SBF2: variants seen among roughly 807,000 people sequenced by gnomAD.
The protein encoded by SBF2 is SET binding factor 2, also known as myotubularin-related protein 13.
SBF2 carries 112 observed loss-of-function variants against 225.2 expected under a neutral mutation model. The observed-to-expected ratio is 0.50, with a 90% CI of 0.43 to 0.58. The LOEUF is 0.58. Among genes scored for constraint, SBF2 ranks in the 20% least tolerant of loss-of-function variants. SBF2 has a pLI of 0.00. For synonymous variants in SBF2, 763 were observed against 773.3 expected (o/e 0.99, Z 0.22); for missense variants, 1,996 against 2,206.2 (o/e 0.90, Z 1.91).
chr11:10,074,702 T>C (rs570471221), intron 2 of SBF2, among the ~76,000 whole-genome samples: 4 of 152,180 alleles, frequency 2.6e-5, no homozygotes, highest in Non-Finnish European at 5.9e-5. Flanking sequence ...ACAGAGAAAA[T>C]TGAAAATGTG....
At chr11:10,256,966 C>G (rs1960915038) in intron 1 of SBF2, among the ~76,000 whole-genome samples, 1 of 152,170 alleles carries the variant, frequency 6.6e-6, no homozygotes, top group African/African-American at 2.4e-5. Context: ...ATTGTACTAA[C>G]TGGTACATCC....
chr11:9,874,317 A>C (rs1278705794), intron 17 of SBF2, among the ~76,000 whole-genome samples: 1 of 152,210 alleles, frequency 6.6e-6, no homozygotes, highest in Non-Finnish European at 1.5e-5. Flanking sequence ...CAGAAATCAC[A>C]GTACTACTGA....
At chr11:10,063,562 T>C (rs897947551) in intron 2 of SBF2, among the ~76,000 whole-genome samples, 3 of 151,758 alleles carry the variant, frequency 2.0e-5, no homozygotes, top group Admixed American at 2.0e-4. Flanking sequence ...TTTCATCATG[T>C]TAGCCAGGAT....
chr11:10,226,118 T>G (rs963095049), intron 1 of SBF2, among the ~76,000 whole-genome samples: 1 of 152,148 alleles, frequency 6.6e-6, no homozygotes, highest in Non-Finnish European at 1.5e-5. Flanking sequence ...AATTATGGCA[T>G]ATTCATGGTC....
At chr11:9,813,647 T>C (rs1050828139) in intron 29 of SBF2, among the ~76,000 whole-genome samples, 4 of 152,174 alleles carry the variant, frequency 2.6e-5, no homozygotes, top group African/African-American at 9.6e-5. Context: ...AAGTCAATAA[T>C]AAAAAATTAC....
chr11:10,292,336 G>A (rs771721080), intron 1 of SBF2, among the ~76,000 whole-genome samples: 21 of 152,150 alleles, frequency 1.4e-4, no homozygotes, highest in Admixed American at 1.4e-3. Context: ...GTTGGGGGGC[G>A]GGTAGAATTT....
intron 1 of SBF2, among the ~76,000 whole-genome samples, chr11:10,269,465 G>T (rs1052729601): frequency 3.9e-5 from 6 of 152,140 alleles, no homozygotes; most frequent in African/African-American, 1.4e-4. Context: ...CCAAAGGAAG[G>T]GATGCCAGGA....
intron 13 of SBF2, among the ~76,000 whole-genome samples, chr11:9,980,736 G>A (rs1256928371): frequency 6.6e-6 from 1 of 151,858 alleles, no homozygotes; most frequent in African/African-American, 2.4e-5. Context: ...CTGACACCGC[G>A]CCCGGCTAAT....
chr11:10,203,866 A>G (rs1957656177), intron 1 of SBF2, among the ~76,000 whole-genome samples: 1 of 152,094 alleles, frequency 6.6e-6, no homozygotes, highest in Non-Finnish European at 1.5e-5. Flanking sequence ...AAACAAAAAC[A>G]GAGCTGTGCA....
chr11:9,802,716 T>C (rs1477742587), intron 32 of SBF2, among the ~76,000 whole-genome samples: 1 of 152,262 alleles, frequency 6.6e-6, no homozygotes, highest in Non-Finnish European at 1.5e-5. Flanking sequence ...CATTTTCTAA[T>C]GCCTAAAACC....
At chr11:9,948,458 C>A (rs1488544754) in intron 16 of SBF2, among the ~76,000 whole-genome samples, 1 of 152,120 alleles carries the variant, frequency 6.6e-6, no homozygotes, top group Non-Finnish European at 1.5e-5. Flanking sequence ...AAAAATCCAA[C>A]TAGAGTTCAT....
rs141330687 is a variant in SBF2 at position 9,856,498 on chromosome 11, C to T, written c.2323G>A (p.Gly775Ser). Residue 775 changes from glycine to serine, a missense_variant, in exon 19 of 40, where the codon GGT (glycine) becomes AGT (serine). Gly to Ser is a moderately conservative substitution (Grantham distance 56, BLOSUM62 0). Transcript: ENST00000256190. ...CTGTTGCTTCCGCTCTCCCAGTCAC[C>T]TGGCGCTGATGTTCTTAGGAGCTTG... ...KNKLLRTSAP[G>S]DWESGSNSIV... 5,907 of 1,614,170 alleles carry T rather than the reference C, an allele frequency of 3.7e-3. 18 individuals carry two copies. The highest frequency in any genetic ancestry group is 5.9e-3 in the Middle Eastern group (36 of 6,052).
At chr11:10,137,503 A>C (rs1289329897) in intron 2 of SBF2, among the ~76,000 whole-genome samples, 1 of 152,156 alleles carries the variant, frequency 6.6e-6, no homozygotes, top group African/African-American at 2.4e-5. Flanking sequence ...TCAATTTTTC[A>C]CCAGTAAGTA....
chr11:10,187,657 T>C (rs1290399828), intron 2 of SBF2, among the ~76,000 whole-genome samples: 2 of 152,010 alleles, frequency 1.3e-5, no homozygotes, highest in Admixed American at 6.6e-5. Context: ...TTAGTGGGCA[T>C]CTAACTTGCT....
At chr11:10,092,232 A>G (rs1951811705) in intron 2 of SBF2, among the ~76,000 whole-genome samples, 2 of 152,342 alleles carry the variant, frequency 1.3e-5, no homozygotes, top group South Asian at 4.1e-4. Context: ...CAGGCCCTAG[A>G]AAGATCCATC....
rs1222872610 is a variant in SBF2, at chr11:9,994,485, AAAG to A, written c.976-490_976-488del. ...GCGAGACTCCATCTCAAAAAAAAAAAAAGAAAAGAAAACATGTTCTAGAAAAAT... is the reference window on the plus strand; with the variant it reads ...GCGAGACTCCATCTCAAAAAAAAAAAAAAAGAAAACATGTTCTAGAAAAAT... On this transcript the variant is annotated intron_variant, in intron 9 of 39. Transcript: ENST00000256190. 5.0e-4 allele frequency among the ~76,000 whole-genome samples: 76 copies of A among 150,724 alleles called. 1 individual carries two copies. Among genetic ancestry groups the A allele is most frequent in the Non-Finnish European group, 1.3e-4 (9 of 67,782 alleles).
At chr11:9,817,500 TCTA>T (rs1854514269) in intron 28 of SBF2, among the ~76,000 whole-genome samples, 1 of 152,128 alleles carries the variant, frequency 6.6e-6, no homozygotes, top group Admixed American at 6.5e-5. Context: ...ACTTCATAAG[TCTA>T]CTAAAATCTG....
At chr11:10,067,574 A>C (rs1305180582) in intron 2 of SBF2, among the ~76,000 whole-genome samples, 1 of 152,136 alleles carries the variant, frequency 6.6e-6, no homozygotes, top group Non-Finnish European at 1.5e-5. Context: ...AAAACAAAAA[A>C]ATGCCCAGCA....
intron 2 of SBF2, among the ~76,000 whole-genome samples, chr11:10,119,518 G>A (rs935406997): frequency 7.2e-5 from 11 of 152,076 alleles, no homozygotes; most frequent in Non-Finnish European, 1.3e-4. Context: ...AGATTCAAAA[G>A]TTCTTAACCA....
Sources: gnomAD v4.1 joint callset for allele counts (sites outside exome capture counted in the v4.1 genomes callset) on GRCh38, gnomAD v4.1.1 for gene constraint, MANE v1.5 for transcripts, NCBI Gene and HGNC (gene_info 2026-07-23, HGNC 2026-07-21) for gene names.